Variants in WIPF3 observed in about 807,000 individuals in gnomAD.
WIPF3 encodes WAS/WASL interacting protein family member 3.
WIPF3 carries 33 observed loss-of-function variants against 38.9 expected under a neutral mutation model. The ratio of observed to expected loss-of-function variants is 0.85; its 90% CI spans 0.64 to 1.14. The LOEUF (loss-of-function observed/expected upper bound fraction) is 1.14. WIPF3 is among the 50% of genes most tolerant of loss of function. WIPF3 has a pLI of 0.00. For missense variants in WIPF3, 711 were observed against 652.5 expected (o/e 1.09, Z -0.98); for synonymous variants, 324 against 269.3 (o/e 1.20, Z -1.99).
intron 1 of WIPF3, among the ~76,000 whole-genome samples, chr7:29,822,811 C>T (rs147603494): frequency 3.7e-4 from 57 of 152,240 alleles, no homozygotes; most frequent in African/African-American, 1.2e-3. Context: ...GAGATGATTT[C>T]CAAGAAAAGG....
intron 7 of WIPF3, among the ~76,000 whole-genome samples, chr7:29,903,469 C>T (rs1346796725): frequency 2.6e-5 from 4 of 151,716 alleles, no homozygotes; most frequent in African/African-American, 9.7e-5. Flanking sequence ...TTTTAAATAG[C>T]ACAGCAATCT....
chr7:29,894,800 G>A (rs561699306), intron 7 of WIPF3, among the ~76,000 whole-genome samples: 5 of 151,372 alleles, frequency 3.3e-5, no homozygotes, highest in South Asian at 4.2e-4. Context: ...ACACACACAC[G>A]AGCACACACG....
At chr7:29,874,868 A>T (rs1035465879) in intron 2 of WIPF3, among the ~76,000 whole-genome samples, 4 of 152,246 alleles carry the variant, frequency 2.6e-5, no homozygotes, top group Non-Finnish European at 5.9e-5. Flanking sequence ...AGCATCTTGC[A>T]GTCCATCAGA....
At chr7:29,808,166 G>A (rs992016881) in intron 1 of WIPF3, among the ~76,000 whole-genome samples, 4 of 152,166 alleles carry the variant, frequency 2.6e-5, no homozygotes, top group Non-Finnish European at 5.9e-5. Flanking sequence ...CAGTGAAAAA[G>A]TAAATAAAAA....
At chr7:29,896,735 T>A (rs540445247) in intron 7 of WIPF3, among the ~76,000 whole-genome samples, 147 of 152,364 alleles carry the variant, frequency 9.6e-4, no homozygotes, top group African/African-American at 1.3e-3. Flanking sequence ...AAATTGTATG[T>A]TATGTGTATT....
intron 4 of WIPF3, among the ~76,000 whole-genome samples, chr7:29,881,539 G>T (rs1486334825): frequency 6.6e-6 from 1 of 152,090 alleles, no homozygotes; most frequent in Non-Finnish European, 1.5e-5. Flanking sequence ...GAATGTATTT[G>T]TCTTTGTACC....
At chr7:29,910,800 T>A (rs1786491631) in intron 8 of WIPF3, among the ~76,000 whole-genome samples, 1 of 152,102 alleles carries the variant, frequency 6.6e-6, no homozygotes, top group South Asian at 2.1e-4. Flanking sequence ...ATGAAAAATC[T>A]ACAGTGAACA....
At chr7:29,911,642 C>T (rs1562793298) in intron 8 of WIPF3, among the ~76,000 whole-genome samples, 1 of 152,066 alleles carries the variant, frequency 6.6e-6, no homozygotes, top group Non-Finnish European at 1.5e-5. Context: ...CATGTATGGT[C>T]AAATGATTTT....
chr7:29,820,086 G>C (rs144861018), intron 1 of WIPF3, among the ~76,000 whole-genome samples: 1,689 of 152,138 alleles, frequency 0.011, 21 homozygotes, highest in Middle Eastern at 0.031. Context: ...AGGACAGAGA[G>C]AGAACCCATA....
intron 2 of WIPF3, among the ~76,000 whole-genome samples, chr7:29,851,758 G>A (rs561273513): frequency 2.6e-4 from 40 of 152,350 alleles, no homozygotes; most frequent in African/African-American, 9.4e-4. Context: ...TGCCCTGAGA[G>A]CTGAGCTTCT....
chr7:29,903,438 C>T (rs1786327556), intron 7 of WIPF3, among the ~76,000 whole-genome samples: 1 of 151,926 alleles, frequency 6.6e-6, no homozygotes, highest in Non-Finnish European at 1.5e-5. Context: ...CTATAATGAA[C>T]ATTCATGCTT....
chr7:29,898,546 C>G (rs1786205353), intron 7 of WIPF3, among the ~76,000 whole-genome samples: 1 of 152,184 alleles, frequency 6.6e-6, no homozygotes, highest in African/African-American at 2.4e-5. Flanking sequence ...CGCCCCAAGT[C>G]AACTGGAAAT....
chr7:29,855,171 G>T (rs1004243028), intron 2 of WIPF3, among the ~76,000 whole-genome samples: 18 of 152,276 alleles, frequency 1.2e-4, no homozygotes, highest in Non-Finnish European at 2.4e-4. Context: ...TATTTTTCTT[G>T]AGGCAGAATT....
intron 7 of WIPF3, among the ~76,000 whole-genome samples, chr7:29,902,265 C>CTTTTTTTTTTTTTTTTTTTTTTTTTTTTT (rs141174377): frequency 4.3e-5 from 5 of 116,392 alleles, no homozygotes; most frequent in Admixed American, 9.4e-5. Context: ...TTTTCTTCTT[C>CTTTTTTTTTTTTTTTTTTTTTTTTTTTTT]TTCTTCTTCT....
intron 7 of WIPF3, among the ~76,000 whole-genome samples, chr7:29,893,996 A>G (rs1786080566): frequency 6.6e-6 from 1 of 152,248 alleles, no homozygotes; most frequent in African/African-American, 2.4e-5. Context: ...ATCAGCAGCC[A>G]TAAATAATAC....
At chr7:29,914,289 A>G (rs1028721453) in intron 8 of WIPF3, among the ~76,000 whole-genome samples, 3 of 152,212 alleles carry the variant, frequency 2.0e-5, no homozygotes, top group Non-Finnish European at 4.4e-5. Flanking sequence ...CATACCATCA[A>G]CTACATACCC....
At position 29,883,955 on chromosome 7, in the gene WIPF3, A is replaced by G; in HGVS notation, c.461A>G (p.Asn154Ser). The G allele has an allele frequency of 1.3e-6, 2 of 1,563,446 alleles. No individual in the cohort carries two copies. The highest frequency in any genetic ancestry group is 1.7e-6 in the Non-Finnish European group (2 of 1,154,374). Residue 154 changes from asparagine to serine, a missense_variant, in exon 5 of 9, where the codon AAT becomes AGT. Coordinates refer to ENST00000242140, the MANE Select transcript of WIPF3 (RefSeq NM_001080529.3). ...LIPPASPRLG[N>S]TSEAHGAART... ...CCGCCTGCCTCTCCCAGGCTAGGCA[A>G]TACCTCCGAGGCGCATGGCGCTGCC... is the stretch of plus-strand genomic sequence containing the variant.
rs1334929432 is a variant in WIPF3 at position 29,884,028 on chromosome 7, C to A, written c.534C>A (p.Thr178=). 17 of 1,422,198 alleles carry A rather than the reference C, an allele frequency of 1.2e-5. No individual in the cohort carries two copies. The highest frequency in any genetic ancestry group is 7.4e-6 in the Non-Finnish European group (8 of 1,076,178). The allele number at this position is 1,422,198 out of a possible 1,614,324, so 88.1% of individuals were successfully genotyped here. ...ACGTGCCTGCCCCGCCCCCTCCCAC[C>A]CCACCCCCTCCGCCTCCACCCTTAC... ...RPNVPAPPPP[T]PPPPPPPLPP... The change falls in exon 5 of 9, where the codon ACC becomes ACA. Residue 178 remains threonine (T), a synonymous_variant. Coordinates refer to ENST00000242140, the MANE Select transcript of WIPF3 (RefSeq NM_001080529.3).
At chr7:29,897,480 TTC>T (rs1786175165) in intron 7 of WIPF3, among the ~76,000 whole-genome samples, 1 of 152,232 alleles carries the variant, frequency 6.6e-6, no homozygotes, top group African/African-American at 2.4e-5. Flanking sequence ...AATTTTTATT[TTC>T]TGTTTTTTAT....
Sources: gnomAD v4.1 joint callset for allele counts (sites outside exome capture counted in the v4.1 genomes callset) on GRCh38, gnomAD v4.1.1 for gene constraint, MANE v1.5 for transcripts, NCBI Gene and HGNC (gene_info 2026-07-23, HGNC 2026-07-21) for gene names.